The following ZC3H12C variants were observed in gnomAD, a reference collection of about 807,000 sequenced individuals.
The protein encoded by ZC3H12C is probable ribonuclease ZC3H12C.
Under a neutral mutation model 76.3 loss-of-function variants are expected in ZC3H12C, and 20 were observed. That is an observed-to-expected ratio of 0.26 (90% confidence interval 0.18 to 0.38). The LOEUF (loss-of-function observed/expected upper bound fraction) is 0.38. Ranked by LOEUF, ZC3H12C falls within the 10% of genes least tolerant of loss-of-function variation. ZC3H12C has a pLI of 1.00. For missense variants in ZC3H12C, 874 were observed against 1,086.5 expected (o/e 0.80, Z 2.75); for synonymous variants, 352 against 399.6 (o/e 0.88, Z 1.42).
chr11:110,133,352 G>T (rs2134173245), intron 1 of ZC3H12C, among the ~76,000 whole-genome samples: 1 of 152,168 alleles, frequency 6.6e-6, no homozygotes, highest in South Asian at 2.1e-4. Flanking sequence ...CTCTTGTTTT[G>T]CAAGGACTAA....
At chr11:110,094,211 C>T (rs942927644) in intron 1 of ZC3H12C, among the ~76,000 whole-genome samples, 4 of 152,180 alleles carry the variant, frequency 2.6e-5, no homozygotes, top group African/African-American at 9.7e-5. Flanking sequence ...TTAACAATCT[C>T]GGTTTGTGTT....
chr11:110,142,882 G>A (rs1175166950), intron 2 of ZC3H12C, among the ~76,000 whole-genome samples: 2 of 152,118 alleles, frequency 1.3e-5, no homozygotes, highest in Admixed American at 6.5e-5. Context: ...TCCCCAGAAG[G>A]TCCTGCCATG....
chr11:110,150,903 T>G (rs1013362328), intron 2 of ZC3H12C, among the ~76,000 whole-genome samples: 1 of 152,192 alleles, frequency 6.6e-6, no homozygotes, highest in African/African-American at 2.4e-5. Flanking sequence ...AATATATTCT[T>G]TTTCTGGGTA....
At chr11:110,120,912 C>G (rs1565253600) in intron 1 of ZC3H12C, among the ~76,000 whole-genome samples, 1 of 152,146 alleles carries the variant, frequency 6.6e-6, no homozygotes, top group Non-Finnish European at 1.5e-5. Flanking sequence ...AGGTATTTAG[C>G]TAATCTTCAA....
rs549117018 is a variant in ZC3H12C, at chr11:110,154,043, A to G, written c.913+985A>G. Among the ~76,000 whole-genome samples the G allele has an allele frequency of 4.6e-5, 7 of 152,358 alleles. No individual in the cohort carries two copies. The South Asian group carries it at 1.4e-3, about 32-fold the overall frequency. The stretch of plus-strand genomic sequence containing the variant: ...CATTTTAAATCAAAAACAAATAAAG[A>G]GACCATCTACTATATACCCAAAGGG... On this transcript the variant is annotated intron_variant, in intron 3 of 5. Coordinates refer to ENST00000278590, the MANE Select transcript of ZC3H12C (RefSeq NM_033390.2).
chr11:110,108,266 CTTA>C (rs1565248710), intron 1 of ZC3H12C, among the ~76,000 whole-genome samples: 2 of 152,134 alleles, frequency 1.3e-5, no homozygotes, highest in South Asian at 2.1e-4. Context: ...TTAATGGAGT[CTTA>C]AGATCATGAT....
intron 1 of ZC3H12C, among the ~76,000 whole-genome samples, chr11:110,096,913 G>T (rs1861123217): frequency 6.6e-6 from 1 of 152,178 alleles, no homozygotes; most frequent in Non-Finnish European, 1.5e-5. Context: ...GGCAAATGAT[G>T]TAACAGCAGT....
At chr11:110,126,600 C>A (rs957259785) in intron 1 of ZC3H12C, among the ~76,000 whole-genome samples, 7 of 151,890 alleles carry the variant, frequency 4.6e-5, no homozygotes, top group African/African-American at 1.7e-4. Flanking sequence ...TAATTTTAAT[C>A]TACCTTCCCC....
chr11:110,113,544 T>C (rs1227227026), intron 1 of ZC3H12C, among the ~76,000 whole-genome samples: 1 of 152,232 alleles, frequency 6.6e-6, no homozygotes, highest in Non-Finnish European at 1.5e-5. Flanking sequence ...TGTTTTTGTT[T>C]TATGTATTGA....
chr11:110,119,423 T>C (rs1346364217), intron 1 of ZC3H12C, among the ~76,000 whole-genome samples: 1 of 152,176 alleles, frequency 6.6e-6, no homozygotes, highest in Non-Finnish European at 1.5e-5. Context: ...AAGACGCTTA[T>C]ATGATTCAAA....
intron 2 of ZC3H12C, among the ~76,000 whole-genome samples, chr11:110,140,825 C>T (rs573932339): frequency 9.2e-5 from 14 of 152,162 alleles, no homozygotes; most frequent in Admixed American, 3.3e-4. Context: ...GTTAGTGATA[C>T]GGAGCTACTA....
Position 110,165,581 on chromosome 11 carries a change from G to A in ZC3H12C, c.2496G>A (p.Pro832=), listed in dbSNP as rs763235261. ...IPYCGMPQDP[P]RYQDNREKIY... is the part of the protein sequence containing the mutation. ...ACTGTGGAATGCCGCAAGATCCCCCGAGGTATCAAGACAACCGAGAAAAGA... is the reference window on the plus strand; with the variant it reads ...ACTGTGGAATGCCGCAAGATCCCCCAAGGTATCAAGACAACCGAGAAAAGA... The change falls in exon 6 of 6, where the codon CCG becomes CCA. Residue 832 remains proline, a synonymous_variant. Coordinates refer to ENST00000278590, the MANE Select transcript of ZC3H12C (RefSeq NM_033390.2). 6 of 1,611,128 alleles carry A rather than the reference G, an allele frequency of 3.7e-6. No homozygotes were observed. The highest frequency in any genetic ancestry group is 4.5e-5 in the East Asian group (2 of 44,834).
intron 1 of ZC3H12C, among the ~76,000 whole-genome samples, chr11:110,101,959 TG>T (rs1861224914): frequency 6.6e-6 from 1 of 152,054 alleles, no homozygotes; most frequent in Non-Finnish European, 1.5e-5. Flanking sequence ...TTAAGCCCAC[TG>T]TTGAGACTTA....
In ZC3H12C at chr11:110,170,105, T is replaced by A. The variant is rs1862649521; in HGVS notation, c.*4368T>A. On this transcript the variant is annotated 3_prime_UTR_variant, in exon 6 of 6. Transcript: ENST00000278590. ...GTTTTTGATGTCCTTCAAAAGAGGA[T>A]TGTTAGACATTGATGTTAAAGCATC... is the stretch of plus-strand genomic sequence containing the variant. 6.6e-6 allele frequency: 1 copy of A among 152,196 alleles called. No homozygotes were observed. The highest frequency in any genetic ancestry group is 2.4e-5 in the African/African-American group (1 of 41,456). The allele number at this position is 152,196 out of a possible 1,614,324, so 9.4% of individuals were successfully genotyped here.
chr11:110,113,565 T>C (rs1430073194), intron 1 of ZC3H12C, among the ~76,000 whole-genome samples: 1 of 152,224 alleles, frequency 6.6e-6, no homozygotes, highest in Non-Finnish European at 1.5e-5. Context: ...AAAGCCTTAC[T>C]TTGAAAAGAA....
intron 1 of ZC3H12C, among the ~76,000 whole-genome samples, chr11:110,095,073 A>C (rs1451189787): frequency 6.6e-6 from 1 of 152,234 alleles, no homozygotes; most frequent in Non-Finnish European, 1.5e-5. Flanking sequence ...ATAATGGGAA[A>C]TATTAAAGGA....
intron 1 of ZC3H12C, among the ~76,000 whole-genome samples, chr11:110,093,653 C>A (rs374470039): frequency 6.6e-6 from 1 of 151,944 alleles, no homozygotes; most frequent in Admixed American, 6.5e-5. Flanking sequence ...GAAAGCCCAG[C>A]GCATCCTCCC....
chr11:110,153,552 GC>G (rs1208993529), intron 3 of ZC3H12C, among the ~76,000 whole-genome samples: 1 of 27,590 alleles, frequency 3.6e-5, no homozygotes, highest in Non-Finnish European at 4.8e-4. Context: ...ACATAAGCCA[GC>G]TTTTTTTTTT....
intron 2 of ZC3H12C, among the ~76,000 whole-genome samples, chr11:110,152,535 A>AT (rs3039411): frequency 0.2 from 30,591 of 151,124 alleles, 3,112 homozygotes; most frequent in Middle Eastern, 0.29. Context: ...GTTTTTACAG[A>AT]TTTTTTTTTT....
Sources: allele counts gnomAD v4.1 joint callset (sites outside exome capture counted in the v4.1 genomes callset), GRCh38; gene constraint gnomAD v4.1.1; transcripts MANE v1.5; gene names NCBI Gene and HGNC (gene_info 2026-07-23, HGNC 2026-07-21).